DPH6: variants seen among roughly 807,000 people sequenced by gnomAD.
The protein encoded by DPH6 is diphthine--ammonia ligase.
Under a neutral mutation model 38.2 loss-of-function variants are expected in DPH6, and 33 were observed. That is an observed-to-expected ratio of 0.86 (90% CI 0.65 to 1.15). DPH6 has a LOEUF of 1.15. Ranked by LOEUF, DPH6 falls within the 50% of genes most tolerant of loss-of-function variation. DPH6 has a pLI of 0.00. For missense variants in DPH6, 325 were observed against 320.0 expected (o/e 1.02, Z -0.12); for synonymous variants, 108 against 103.0 (o/e 1.05, Z -0.30).
chr15:35,255,333 A>C (rs1487080204), intron 3 of DPH6, among the ~76,000 whole-genome samples: 1 of 152,216 alleles, frequency 6.6e-6, no homozygotes, highest in East Asian at 1.9e-4. Flanking sequence ...AGACTTTAAA[A>C]TCTTCAACCA....
At chr15:35,190,655 T>C in the DPH6 span, among the ~76,000 whole-genome samples, 173 of 152,336 alleles carry the variant, frequency 1.1e-3, no homozygotes, top group African/African-American at 4.0e-3. Flanking sequence ...TAACTTCCAG[T>C]CTTGTAGCTA....
intron 3 of DPH6, among the ~76,000 whole-genome samples, chr15:35,331,376 G>T (rs1165521513): frequency 6.6e-6 from 1 of 151,972 alleles, no homozygotes; most frequent in African/African-American, 2.4e-5. Context: ...TACATTTCAG[G>T]TATACATAAA....
chr15:35,182,220 ATTTTT>A, the DPH6 span, among the ~76,000 whole-genome samples: 176 of 86,004 alleles, frequency 2.0e-3, 1 homozygote, highest in African/African-American at 6.5e-3. Flanking sequence ...AACTCTAAGA[ATTTTT>A]TTTTTTTTTT....
intron 7 of DPH6, among the ~76,000 whole-genome samples, chr15:35,375,651 T>A (rs1285850022): frequency 1.3e-5 from 2 of 152,096 alleles, no homozygotes; most frequent in Admixed American, 6.6e-5. Context: ...TTACCACCTG[T>A]CATATAGCTA....
chr15:35,145,724 C>T, the DPH6 span, among the ~76,000 whole-genome samples: 160 of 152,240 alleles, frequency 1.1e-3, no homozygotes, highest in African/African-American at 3.8e-3. Flanking sequence ...AAAACAGCTT[C>T]AAGTTCTGGG....
chr15:35,237,748 A>T, intron 3 of DPH6: 1 of 1,612,880 alleles, frequency 6.2e-7, no homozygotes, highest in Non-Finnish European at 8.5e-7. Flanking sequence ...TCCTCCTGCA[A>T]CTCACATATC....
In DPH6 at chr15:35,401,118, T is replaced by G. The variant is rs903833947; in HGVS notation, c.567+9717A>C. 5 of 927,544 alleles carry G rather than the reference T, an allele frequency of 5.4e-6. No homozygotes were observed. In the African/African-American group the frequency reaches 8.0e-5, roughly 15 times the overall value. 57.5% of individuals were successfully genotyped at this position (927,544 alleles called of 1,614,324 possible). On this transcript the variant is annotated intron_variant, in intron 6 of 8. Transcript: ENST00000256538. Reference sequence around the variant, plus strand: ...TTGCCTTTGTAACCTTTGATGACCATGACTTTGTGGATAAGACTGTCATTC... The same window carrying G: ...TTGCCTTTGTAACCTTTGATGACCAGGACTTTGTGGATAAGACTGTCATTC...
chr15:35,394,956 G>C (rs1029245148), intron 6 of DPH6, among the ~76,000 whole-genome samples: 4 of 152,046 alleles, frequency 2.6e-5, no homozygotes, highest in Admixed American at 6.6e-5. Flanking sequence ...TATCCTGATA[G>C]ATAACAAACC....
At chr15:35,352,990 G>GT (rs1375498814) in intron 3 of DPH6, among the ~76,000 whole-genome samples, 1 of 152,162 alleles carries the variant, frequency 6.6e-6, no homozygotes, top group Non-Finnish European at 1.5e-5. Context: ...GTGTGAGATG[G>GT]TATCTCATTG....
chr15:35,521,878 T>C (rs564518356), intron 3 of DPH6: 1 of 1,375,932 alleles, frequency 7.3e-7, no homozygotes, highest in East Asian at 2.7e-5. Flanking sequence ...TGTTAATTAG[T>C]GTTCACATTA....
intron 3 of DPH6, among the ~76,000 whole-genome samples, chr15:35,228,171 TAAAC>T (rs960785091): frequency 7.2e-5 from 11 of 152,190 alleles, no homozygotes; most frequent in Non-Finnish European, 1.0e-4. Flanking sequence ...ATTGTTTGCA[TAAAC>T]AAACAAACAA....
intron 3 of DPH6, among the ~76,000 whole-genome samples, chr15:35,355,959 A>T (rs374602175): frequency 6.6e-6 from 1 of 152,112 alleles, no homozygotes; most frequent in Non-Finnish European, 1.5e-5. Flanking sequence ...ATAGTCCCAT[A>T]TTTCTTGGAG....
At chr15:35,539,040 A>T (rs886654833) in intron 2 of DPH6, among the ~76,000 whole-genome samples, 2 of 152,094 alleles carry the variant, frequency 1.3e-5, no homozygotes, top group African/African-American at 4.8e-5. Flanking sequence ...ACAAATGTGC[A>T]TAGAAATATG....
intron 3 of DPH6, among the ~76,000 whole-genome samples, chr15:35,306,295 T>C (rs2140813888): frequency 6.6e-6 from 1 of 152,332 alleles, no homozygotes; most frequent in Admixed American, 6.5e-5. Flanking sequence ...AGAAATAAAA[T>C]ACATTTCCCA....
chr15:35,182,163 TGTATAA>T, the DPH6 span, among the ~76,000 whole-genome samples: 2,057 of 149,438 alleles, frequency 0.014, 45 homozygotes, highest in African/African-American at 0.048. Context: ...CAGTTTTACA[TGTATAA>T]GTATAATAAC....
At chr15:35,308,237 A>C (rs564113168) in intron 3 of DPH6, among the ~76,000 whole-genome samples, 28 of 152,054 alleles carry the variant, frequency 1.8e-4, no homozygotes, top group Admixed American at 1.6e-3. Flanking sequence ...TCACTGCATA[A>C]ATAAATAAAT....
rs1408076297 is a variant in DPH6, at chr15:35,224,110, T to G, written n.201-3528A>C. ...TGTGGCATGATTTTAGTTTTTTTTT[T>G]TTTTTTTTTTTTTTGAGACCAAGTG... On this transcript the variant is annotated intron_variant and non_coding_transcript_variant, in intron 3 of 3. Coordinates refer to the DPH6 transcript ENST00000560386. Among the ~76,000 whole-genome samples, 3 of 139,658 alleles carry G rather than the reference T, an allele frequency of 2.1e-5. No homozygotes were observed. In the East Asian group the frequency reaches 6.0e-4, roughly 28 times the overall value. 91.6% of individuals were successfully genotyped at this position (139,658 alleles called of 152,430 possible).
At chr15:35,211,047 G>A in the DPH6 span, among the ~76,000 whole-genome samples, 2 of 124,520 alleles carry the variant, frequency 1.6e-5, no homozygotes, top group Non-Finnish European at 3.2e-5. Context: ...TTTTTCTGTT[G>A]AGACGTTTAC....
At chr15:35,271,080 G>A (rs1472806015) in intron 3 of DPH6, among the ~76,000 whole-genome samples, 2 of 152,112 alleles carry the variant, frequency 1.3e-5, no homozygotes, top group African/African-American at 2.4e-5. Flanking sequence ...AATACGTCCA[G>A]GAAACCACTG....
Sources: allele counts gnomAD v4.1 joint callset (sites outside exome capture counted in the v4.1 genomes callset), GRCh38; gene constraint gnomAD v4.1.1; transcripts MANE v1.5; gene names NCBI Gene and HGNC (gene_info 2026-07-23, HGNC 2026-07-21).